The following GRIK4 variants were observed in gnomAD, a reference collection of about 807,000 sequenced individuals.
The protein encoded by GRIK4 is glutamate receptor ionotropic, kainate 4.
GRIK4 carries 40 observed loss-of-function variants against 104.9 expected under a neutral mutation model. The ratio of observed to expected loss-of-function variants is 0.38; its 90% CI spans 0.30 to 0.50. GRIK4 has a LOEUF of 0.50. Among genes scored for constraint, GRIK4 ranks in the 20% least tolerant of loss-of-function variants. The pLI, the probability that GRIK4 is intolerant of heterozygous loss-of-function variation, is 0.93. For missense variants in GRIK4, 1,047 were observed against 1,308.1 expected (o/e 0.80, Z 3.08); for synonymous variants, 485 against 524.9 (o/e 0.92, Z 1.04).
intron 3 of GRIK4, among the ~76,000 whole-genome samples, chr11:120,668,348 A>G (rs73580485): frequency 0.014 from 2,073 of 151,954 alleles, 44 homozygotes; most frequent in African/African-American, 0.047. Context: ...AAAGAATGAA[A>G]GAGAGAAAGA....
chr11:120,603,801 A>G (rs1409520184), intron 1 of GRIK4, among the ~76,000 whole-genome samples: 2 of 152,090 alleles, frequency 1.3e-5, no homozygotes, highest in Non-Finnish European at 2.9e-5. Context: ...AGGGGGTGCT[A>G]CTGGCACGTG....
At position 120,940,540 on chromosome 11, in the gene GRIK4, G is replaced by T; in HGVS notation, c.1590+80G>T. The T allele has an allele frequency of 1.3e-6, 1 of 790,646 alleles. No homozygotes were observed. Among genetic ancestry groups the T allele is most frequent in the South Asian group, 1.7e-5 (1 of 59,824 alleles). 49.0% of individuals were successfully genotyped at this position (790,646 alleles called of 1,614,324 possible). On this transcript the variant is annotated intron_variant, in intron 14 of 20. Coordinates refer to ENST00000527524, the MANE Select transcript of GRIK4 (RefSeq NM_014619.5). This position sits in a 1 kb window ranked among gnomAD's most constrained non-coding sequence, Gnocchi z 4.3. Reference sequence around the variant, plus strand: ...ACTGAGTTATACGGGAATAATGAATGACTCATGGAAATATTTAGATTTCAA... The same window carrying T: ...ACTGAGTTATACGGGAATAATGAATTACTCATGGAAATATTTAGATTTCAA...
At chr11:120,925,973 C>CAAAA (rs34815296) in intron 13 of GRIK4, among the ~76,000 whole-genome samples, 1 of 120,164 alleles carries the variant, frequency 8.3e-6, no homozygotes, top group Non-Finnish European at 1.7e-5. Flanking sequence ...GACTCCATCT[C>CAAAA]AAAAAAAAAA....
At chr11:120,823,476 A>G (rs1232489483) in intron 6 of GRIK4, among the ~76,000 whole-genome samples, 3 of 152,174 alleles carry the variant, frequency 2.0e-5, no homozygotes, top group African/African-American at 7.2e-5. Flanking sequence ...GTCATTCCAG[A>G]GCTGAGAAAA....
At chr11:120,763,705 AG>A (rs1318850661) in intron 3 of GRIK4, among the ~76,000 whole-genome samples, 2 of 152,134 alleles carry the variant, frequency 1.3e-5, no homozygotes, top group Non-Finnish European at 2.9e-5. Context: ...TTATTTACCC[AG>A]TAGTCATTCA....
At chr11:120,981,966 T>G (rs1198587760) in intron 19 of GRIK4, 140 bp from the exon 20 acceptor site, 1 of 680,238 alleles carries the variant, frequency 1.5e-6, no homozygotes, top group African/African-American at 1.8e-5. Context: ...GGTGTCTACA[T>G]GTCAAGTAGA....
intron 3 of GRIK4, among the ~76,000 whole-genome samples, chr11:120,738,086 G>A (rs1236241575): frequency 6.6e-6 from 1 of 152,236 alleles, no homozygotes; most frequent in East Asian, 1.9e-4. Context: ...CTGGTAAGAG[G>A]AGATTGAGAG....
At chr11:120,551,569 C>G (rs960252116) in intron 1 of GRIK4, among the ~76,000 whole-genome samples, 1 of 152,042 alleles carries the variant, frequency 6.6e-6, no homozygotes, top group Non-Finnish European at 1.5e-5. Flanking sequence ...TTGCTCGATA[C>G]CAGGAGTTCA....
intron 3 of GRIK4, among the ~76,000 whole-genome samples, chr11:120,755,764 A>G (rs1951641169): frequency 6.6e-6 from 1 of 152,176 alleles, no homozygotes; most frequent in Non-Finnish European, 1.5e-5. Context: ...CCATGCTAAC[A>G]GACAATGTGA....
chr11:120,581,984 T>A (rs189686920), intron 1 of GRIK4, among the ~76,000 whole-genome samples: 11 of 152,184 alleles, frequency 7.2e-5, no homozygotes, highest in African/African-American at 2.6e-4. Context: ...CTTTTTAATA[T>A]TTTTAGTAGA....
At chr11:120,900,173 A>G (rs776432286) in intron 12 of GRIK4, among the ~76,000 whole-genome samples, 1 of 152,186 alleles carries the variant, frequency 6.6e-6, no homozygotes, top group Non-Finnish European at 1.5e-5. Context: ...ACAGGGAATG[A>G]GTGGGGAGGA....
At chr11:120,517,730 C>T (rs1196616061) in intron 1 of GRIK4, among the ~76,000 whole-genome samples, 6 of 152,064 alleles carry the variant, frequency 3.9e-5, no homozygotes, top group Non-Finnish European at 8.8e-5. Context: ...ACGGAGCTCC[C>T]AGTTGAGTGT....
Position 120,835,192 on chromosome 11 carries a change from C to T in GRIK4, c.691-1599C>T, listed in dbSNP as rs188819566. ...ATTGGAACAACCATGATAGAGTTAC[C>T]CCCGACCTGCTCCTCAGGGAGCCTG... On this transcript the variant is annotated intron_variant, in intron 7 of 20. Transcript: ENST00000527524. Among the ~76,000 whole-genome samples the T allele has an allele frequency of 1.1e-3, 164 of 152,310 alleles. 1 individual carries two copies. Among genetic ancestry groups the T allele is most frequent in the African/African-American group, 3.8e-3 (160 of 41,564 alleles).
chr11:120,785,224 G>A (rs1291745254), intron 3 of GRIK4, among the ~76,000 whole-genome samples: 1 of 152,180 alleles, frequency 6.6e-6, no homozygotes, highest in Non-Finnish European at 1.5e-5. Context: ...GATATCCCGG[G>A]CACTGAACTG....
At chr11:120,945,554 G>T (rs1337941175) in intron 14 of GRIK4, among the ~76,000 whole-genome samples, 2 of 152,190 alleles carry the variant, frequency 1.3e-5, no homozygotes, top group African/African-American at 4.8e-5. Flanking sequence ...GCTTTCCTTT[G>T]TGCTCCTGAT....
chr11:120,836,865 A>G, intron 8 of GRIK4, 21 bp downstream of exon 8: 1 of 1,469,696 alleles, frequency 6.8e-7, no homozygotes, highest in South Asian at 1.1e-5. Flanking sequence ...CTCACAGCTC[A>G]CCTCCTTGGA....
At chr11:120,737,872 G>A (rs929987393) in intron 3 of GRIK4, among the ~76,000 whole-genome samples, 4 of 152,124 alleles carry the variant, frequency 2.6e-5, no homozygotes, top group African/African-American at 7.2e-5. Context: ...TAATGATTCA[G>A]TAAACCATTT....
Position 120,697,932 on chromosome 11 carries a change from T to C in GRIK4, c.82+37532T>C, listed in dbSNP as rs77185908. Among the ~76,000 whole-genome samples the C allele has an allele frequency of 3.5e-3, 527 of 152,230 alleles. 2 individuals carry two copies. Among genetic ancestry groups the C allele is most frequent in the African/African-American group, 0.012 (487 of 41,534 alleles). On this transcript the variant is annotated intron_variant, in intron 3 of 20. Transcript: ENST00000527524. ...TCTCACATCACTGATGCACTGCTCC[T>C]TACCTCCTCCTGCTCATAGAAGAGG... is the stretch of plus-strand genomic sequence containing the variant.
At position 120,802,746 on chromosome 11, in the gene GRIK4, A is replaced by G; in HGVS notation, c.136A>G (p.Thr46Ala). 3.1e-6 allele frequency: 5 copies of G among 1,614,114 alleles called. No homozygotes were observed. Among genetic ancestry groups the G allele is most frequent in the Non-Finnish European group, 4.2e-6 (5 of 1,179,980 alleles). The change falls in exon 4 of 21, where the codon ACC becomes GCC. Residue 46 changes from threonine to alanine, a missense_variant. By Grantham distance (58) the Thr-to-Ala change is moderately conservative (BLOSUM62 0). This residue lies in a region of GRIK4 where 447 missense variants were observed against 514.9 expected (regional missense o/e 0.87). Coordinates refer to ENST00000527524, the MANE Select transcript of GRIK4 (RefSeq NM_014619.5). Reference sequence around the variant, plus strand: ...CAGCAGAGGGGAGCGGCTCTCCATCACCCTGGCCAAGAACCGCATCAACCG... The same window carrying G: ...CAGCAGAGGGGAGCGGCTCTCCATCGCCCTGGCCAAGAACCGCATCAACCG... The part of the protein sequence containing the change: ...ECSRGERLSI[T>A]LAKNRINRAP...
Sources: gnomAD v4.1 joint callset for allele counts (sites outside exome capture counted in the v4.1 genomes callset) on GRCh38, gnomAD v4.1.1 for gene constraint, gnomAD v4.1.1 regional missense constraint, Gnocchi (gnomAD v3.1) non-coding constraint, MANE v1.5 for transcripts, NCBI Gene and HGNC (gene_info 2026-07-23, HGNC 2026-07-21) for gene names.